DMD: variants seen among roughly 807,000 people sequenced by gnomAD.
DMD encodes the protein mutant dystrophin.
Under a neutral mutation model 330.1 loss-of-function variants are expected in DMD, and 63 were observed. The ratio of observed to expected loss-of-function variants is 0.19; its 90% CI spans 0.16 to 0.24. DMD has a LOEUF of 0.24. DMD is among the 10% of genes least tolerant of loss of function. The pLI, the probability that DMD is intolerant of heterozygous loss-of-function variation, is 1.00. For synonymous variants in DMD, 1,223 were observed against 959.8 expected (o/e 1.27, Z -5.07); for missense variants, 3,344 against 2,684.1 (o/e 1.25, Z -5.43).
intron 2 of DMD, among the ~76,000 whole-genome samples, chrX:32,874,264 A>T (rs1479674340): frequency 8.9e-6 from 1 of 112,152 alleles, no homozygotes; most frequent in Non-Finnish European, 1.9e-5. Flanking sequence ...GTTCATTTTT[A>T]CAGAGAGCCA....
intron 2 of DMD, among the ~76,000 whole-genome samples, chrX:32,937,040 G>A (rs1256129675): frequency 9.0e-6 from 1 of 111,401 alleles, no homozygotes; most frequent in Non-Finnish European, 1.9e-5. Context: ...AGAAACTGGA[G>A]GATTGATTTC....
At chrX:32,100,958 C>T (rs990295591) in intron 44 of DMD, among the ~76,000 whole-genome samples, 3 of 111,410 alleles carry the variant, frequency 2.7e-5, no homozygotes, top group Admixed American at 9.6e-5. Flanking sequence ...TTAAGTTTCT[C>T]GAGGCAAATA....
chrX:31,613,788 A>G (rs2078054045), intron 55 of DMD, among the ~76,000 whole-genome samples: 1 of 111,077 alleles, frequency 9.0e-6, no homozygotes, highest in Non-Finnish European at 1.9e-5. Flanking sequence ...GTAGTTCCAT[A>G]TCTTATCAAC....
At position 32,253,477 on chromosome X, in the gene DMD, T is replaced by C. The variant is rs543765441; in HGVS notation, c.6290+34052A>G. ...GCTTAGCTGAAGATTGTCCCAAAGC[T>C]CTTGGGAGATGTTTATTTGGTGACA... On this transcript the variant is annotated intron_variant, in intron 43 of 78. Coordinates refer to ENST00000357033, the MANE Select transcript of DMD (RefSeq NM_004006.3). Among the ~76,000 whole-genome samples the C allele has an allele frequency of 7.4e-4, 82 of 110,658 alleles. 1 individual carries two copies. The South Asian group carries it at 0.031, about 42-fold the overall frequency.
intron 43 of DMD, among the ~76,000 whole-genome samples, chrX:32,230,667 G>T (rs2097166160): frequency 8.9e-6 from 1 of 112,204 alleles, no homozygotes; most frequent in Non-Finnish European, 1.9e-5. Flanking sequence ...ACAAGCAAAC[G>T]TGAGTTTGAA....
chrX:32,869,086 G>T (rs894220364), intron 2 of DMD, among the ~76,000 whole-genome samples: 6 of 111,403 alleles, frequency 5.4e-5, no homozygotes, highest in African/African-American at 2.0e-4. Context: ...GCCTCCTTAG[G>T]TGACATTTCC....
At chrX:31,713,103 G>T (rs1230778639) in intron 52 of DMD, among the ~76,000 whole-genome samples, 1 of 111,491 alleles carries the variant, frequency 9.0e-6, no homozygotes, top group Non-Finnish European at 1.9e-5. Context: ...GAAGAAGAAG[G>T]GGTGCAGAAA....
intron 2 of DMD, among the ~76,000 whole-genome samples, chrX:33,011,149 G>C (rs1040694526): frequency 7.2e-5 from 8 of 111,556 alleles, no homozygotes; most frequent in Admixed American, 9.6e-5. Flanking sequence ...AAGCATTAGT[G>C]GTGGTGGGGC....
chrX:31,319,468 G>A (rs779146140), intron 62 of DMD, among the ~76,000 whole-genome samples: 7 of 112,207 alleles, frequency 6.2e-5, no homozygotes, highest in African/African-American at 1.3e-4. Context: ...TATAGAAGTC[G>A]GTACATTTAT....
At chrX:33,235,486 G>A (rs1022900225) in intron 1 of DMD, among the ~76,000 whole-genome samples, 2 of 112,138 alleles carry the variant, frequency 1.8e-5, no homozygotes, top group South Asian at 3.7e-4. Context: ...AGTGTATAGC[G>A]TTTAGGGGTA....
chrX:32,735,190 T>A (rs1449958079), intron 7 of DMD, among the ~76,000 whole-genome samples: 4 of 107,984 alleles, frequency 3.7e-5, no homozygotes, highest in Non-Finnish European at 7.6e-5. Flanking sequence ...ATAAAATACC[T>A]AGGAATCCAA....
At chrX:32,009,074 G>T (rs1477357366) in intron 44 of DMD, among the ~76,000 whole-genome samples, 1 of 111,069 alleles carries the variant, frequency 9.0e-6, no homozygotes, top group Non-Finnish European at 1.9e-5. Context: ...GAGATGGGAA[G>T]GAAGCTAATC....
chrX:33,328,504 T>C (rs781616943), intron 1 of DMD, among the ~76,000 whole-genome samples: 3 of 111,068 alleles, frequency 2.7e-5, no homozygotes, highest in Non-Finnish European at 3.8e-5. Context: ...CCCATACAGG[T>C]TTAAATATTG....
intron 1 of DMD, among the ~76,000 whole-genome samples, chrX:33,148,421 A>G (rs1396165718): frequency 8.9e-6 from 1 of 112,310 alleles, no homozygotes; most frequent in East Asian, 2.8e-4. Flanking sequence ...TAAATAGTCT[A>G]CACGAGCGTC....
chrX:33,147,102 G>A (rs1021620253), intron 1 of DMD, among the ~76,000 whole-genome samples: 1 of 111,495 alleles, frequency 9.0e-6, no homozygotes, highest in Admixed American at 9.6e-5. Context: ...GATTACAGGC[G>A]TGAACCACCG....
chrX:31,253,482 T>C (rs1169488511), intron 63 of DMD, among the ~76,000 whole-genome samples: 1 of 111,436 alleles, frequency 9.0e-6, no homozygotes. Flanking sequence ...CCCAAGAGCA[T>C]CCTCAGGAGG....
rs183891501 is a variant in DMD, at chrX:32,086,461, A to G, written c.6439-117947T>C. Reference sequence around the variant, plus strand: ...GGATTGTATGGCCTGTCTGGTCAGGATGATTACCCTCATTGCACAAGTGAT... The same window carrying G: ...GGATTGTATGGCCTGTCTGGTCAGGGTGATTACCCTCATTGCACAAGTGAT... On this transcript the variant is annotated intron_variant, in intron 44 of 78. Transcript: ENST00000357033. 2.8e-3 allele frequency among the ~76,000 whole-genome samples: 317 copies of G among 111,612 alleles called. 2 individuals are homozygous for G. Among genetic ancestry groups the G allele is most frequent in the African/African-American group, 9.7e-3 (298 of 30,720 alleles).
intron 60 of DMD, among the ~76,000 whole-genome samples, chrX:31,429,121 C>CAA (rs35774193): frequency 6.3e-4 from 51 of 81,430 alleles, no homozygotes; most frequent in African/African-American, 2.0e-3. Flanking sequence ...GACTCCATCT[C>CAA]AAAAAAAAAA....
intron 7 of DMD, among the ~76,000 whole-genome samples, chrX:32,805,650 T>G (rs1263591006): frequency 9.1e-6 from 1 of 110,272 alleles, no homozygotes; most frequent in Admixed American, 9.7e-5. Context: ...TTCACCAAGG[T>G]TGAAATGAAG....
Sources: gnomAD v4.1 joint callset for allele counts (sites outside exome capture counted in the v4.1 genomes callset) on GRCh38, gnomAD v4.1.1 for gene constraint, MANE v1.5 for transcripts, NCBI Gene and HGNC (gene_info 2026-07-23, HGNC 2026-07-21) for gene names.